GRIP1: variants seen among roughly 807,000 people sequenced by gnomAD.
GRIP1 encodes glutamate receptor interacting protein 1.
In GRIP1, 45 loss-of-function variants were observed where a neutral mutation model predicts 129.9. The ratio of observed to expected loss-of-function variants is 0.35; its 90% CI spans 0.27 to 0.44. The LOEUF (loss-of-function observed/expected upper bound fraction) is 0.44, where lower values mean the gene tolerates loss of function less well. GRIP1 is among the 20% of genes least tolerant of loss of function. GRIP1 has a pLI of 1.00. For synonymous variants in GRIP1, 530 were observed against 520.8 expected, an observed-to-expected ratio of 1.02 and a Z score of -0.24; for missense variants, 1,196 against 1,396.8, an observed-to-expected ratio of 0.86 and a Z score of 2.29.
At chr12:66,516,671 A>C (rs1253275582) in intron 6 of GRIP1, among the ~76,000 whole-genome samples, 2 of 152,174 alleles carry the variant, frequency 1.3e-5, no homozygotes, top group African/African-American at 2.4e-5. Context: ...GTTAATAAGA[A>C]ATGAAAACAT....
intron 4 of GRIP1, among the ~76,000 whole-genome samples, chr12:66,536,267 A>G (rs974818542): frequency 1.3e-5 from 2 of 152,170 alleles, no homozygotes; most frequent in Non-Finnish European, 2.9e-5. Context: ...CAGCAGCCAG[A>G]GAGCCTCTGA....
intron 1 of GRIP1, among the ~76,000 whole-genome samples, chr12:67,066,149 G>A (rs952738771): frequency 6.6e-6 from 1 of 152,138 alleles, no homozygotes; most frequent in Non-Finnish European, 1.5e-5. Context: ...GCATGCCATA[G>A]CAATAGCTTC....
intron 1 of GRIP1, among the ~76,000 whole-genome samples, chr12:66,748,529 T>C (rs2037023662): frequency 6.6e-6 from 1 of 152,236 alleles, no homozygotes; most frequent in Non-Finnish European, 1.5e-5. Context: ...GTTAGTGGCA[T>C]GTATCTATCG....
At chr12:66,479,536 T>C (rs1396411872) in intron 7 of GRIP1, among the ~76,000 whole-genome samples, 2 of 152,158 alleles carry the variant, frequency 1.3e-5, no homozygotes, top group African/African-American at 2.4e-5. Context: ...TTCCAAACAG[T>C]AGGAAAAGAG....
At chr12:66,941,765 A>G (rs1408626326) in intron 1 of GRIP1, among the ~76,000 whole-genome samples, 2 of 152,188 alleles carry the variant, frequency 1.3e-5, no homozygotes, top group Non-Finnish European at 2.9e-5. Flanking sequence ...TGTACAATTA[A>G]ATGGCAGCCA....
intron 1 of GRIP1, among the ~76,000 whole-genome samples, chr12:66,813,566 G>A (rs948386825): frequency 6.6e-6 from 1 of 152,156 alleles, no homozygotes; most frequent in Non-Finnish European, 1.5e-5. Context: ...GGAGAGCTGA[G>A]AAAACATTAC....
intron 1 of GRIP1, among the ~76,000 whole-genome samples, chr12:66,731,408 G>A (rs2036433058): frequency 6.6e-6 from 1 of 152,134 alleles, no homozygotes; most frequent in Non-Finnish European, 1.5e-5. Context: ...GTGGGATGAA[G>A]GTGCTATAAC....
intron 1 of GRIP1, among the ~76,000 whole-genome samples, chr12:66,648,572 T>A (rs577450887): frequency 1.1e-4 from 16 of 152,372 alleles, no homozygotes; most frequent in Admixed American, 3.3e-4. Context: ...AGACGGAGTC[T>A]GCTGGGTTTA....
chr12:66,447,224 T>C (rs1803034187), intron 11 of GRIP1, among the ~76,000 whole-genome samples: 2 of 130,992 alleles, frequency 1.5e-5, no homozygotes, highest in Admixed American at 1.4e-4. Flanking sequence ...AGCATTTTAA[T>C]AATGCATCTC....
chr12:66,879,223 TG>T (rs1171643317), intron 1 of GRIP1, among the ~76,000 whole-genome samples: 1 of 151,900 alleles, frequency 6.6e-6, no homozygotes, highest in African/African-American at 2.4e-5. Flanking sequence ...AGGTGTTTGC[TG>T]TGTTAATCTC....
At chr12:66,377,555 G>T (rs1341532083) in intron 20 of GRIP1, among the ~76,000 whole-genome samples, 2 of 148,566 alleles carry the variant, frequency 1.3e-5, no homozygotes, top group African/African-American at 2.5e-5. Flanking sequence ...TAGCCAGGAT[G>T]GTCTCGATCT....
chr12:66,863,347 T>C (rs927555103), intron 1 of GRIP1, among the ~76,000 whole-genome samples: 1 of 152,180 alleles, frequency 6.6e-6, no homozygotes, highest in African/African-American at 2.4e-5. Context: ...AGTTGATTTC[T>C]AATAGGGTAA....
intron 1 of GRIP1, among the ~76,000 whole-genome samples, chr12:66,792,073 A>G (rs1195407950): frequency 2.0e-5 from 3 of 152,186 alleles, no homozygotes; most frequent in Non-Finnish European, 2.9e-5. Context: ...TTGAGGAGAA[A>G]AATAGATACA....
At chr12:66,787,246 C>T (rs935300174) in intron 1 of GRIP1, among the ~76,000 whole-genome samples, 3 of 152,130 alleles carry the variant, frequency 2.0e-5, no homozygotes, top group Non-Finnish European at 2.9e-5. Flanking sequence ...GTTCTACTAA[C>T]AATTAAAGGT....
In GRIP1 at chr12:66,773,233, C is replaced by T. The variant is rs569618632; in HGVS notation, c.-420+30820G>A. Among the ~76,000 whole-genome samples the T allele has an allele frequency of 3.3e-5, 5 of 152,290 alleles. No individual in the cohort carries two copies. In the East Asian group the frequency reaches 9.7e-4, roughly 29 times the overall value. On this transcript the variant is annotated intron_variant, in intron 1 of 4. Coordinates refer to the GRIP1 transcript ENST00000538373. ...GCAAGAACAAAGAAAAGAACCAAAT[C>T]ATCGATGGGCATTTGGGTTGGTTCC...
chr12:66,414,876 G>C (rs1336278487), intron 15 of GRIP1, among the ~76,000 whole-genome samples: 1 of 149,618 alleles, frequency 6.7e-6, no homozygotes, highest in Non-Finnish European at 1.5e-5. Context: ...ATGGCACTGG[G>C]AGAACTGGCT....
At chr12:66,458,206 T>G (rs911410526) in intron 9 of GRIP1, among the ~76,000 whole-genome samples, 1 of 139,454 alleles carries the variant, frequency 7.2e-6, no homozygotes, top group Non-Finnish European at 1.6e-5. Context: ...GTTTGTGGTT[T>G]GGATTCCCCC....
rs546147333 is a variant in GRIP1 at position 66,411,431 on chromosome 12, G to A, written c.1839-5003C>T. On this transcript the variant is annotated intron_variant, in intron 15 of 24. Transcript: ENST00000359742. ...AAACAAATAAGCAGAAAGCAACAAC[G>A]GTAACATCATTAACGAAAAGACCCC... Among the ~76,000 whole-genome samples, 121 of 152,172 alleles carry A rather than the reference G, an allele frequency of 8.0e-4. 1 individual carries two copies. Among genetic ancestry groups the A allele is most frequent in the African/African-American group, 2.5e-3 (103 of 41,518 alleles).
chr12:67,005,545 A>C (rs2042613916), intron 1 of GRIP1, among the ~76,000 whole-genome samples: 1 of 152,210 alleles, frequency 6.6e-6, no homozygotes, highest in East Asian at 1.9e-4. Flanking sequence ...AGTAAGAGAA[A>C]AATGAAGTCA....
Sources: allele counts gnomAD v4.1 joint callset (sites outside exome capture counted in the v4.1 genomes callset), GRCh38; gene constraint gnomAD v4.1.1; transcripts MANE v1.5; gene names NCBI Gene and HGNC (gene_info 2026-07-23, HGNC 2026-07-21).